The following MAPRE2 variants were observed in gnomAD, a reference collection of about 807,000 sequenced individuals.
MAPRE2 encodes the protein microtubule associated protein RP/EB family member 2.
In MAPRE2, 13 loss-of-function variants were observed where a neutral mutation model predicts 43.2. That is an observed-to-expected ratio of 0.30 (90% CI 0.20 to 0.48). MAPRE2 has a LOEUF of 0.48. Ranked by LOEUF, MAPRE2 falls within the 20% of genes least tolerant of loss-of-function variation. The pLI, the probability that MAPRE2 is intolerant of heterozygous loss-of-function variation, is 0.99. For synonymous variants in MAPRE2, 135 were observed against 148.8 expected (o/e 0.91, Z 0.68); for missense variants, 161 against 400.2 (o/e 0.40, Z 5.10).
At chr18:35,121,777 T>C (rs947158143) in intron 4 of MAPRE2, among the ~76,000 whole-genome samples, 9 of 152,304 alleles carry the variant, frequency 5.9e-5, no homozygotes, top group Non-Finnish European at 2.9e-5. Flanking sequence ...AGTGGGGCAT[T>C]CTGGGAAGCA....
intron 2 of MAPRE2, among the ~76,000 whole-genome samples, chr18:35,007,686 G>C (rs28504360): frequency 0.021 from 3,223 of 152,340 alleles, 118 homozygotes; most frequent in African/African-American, 0.072. Flanking sequence ...ACCAAAGAGA[G>C]AACCATCATT....
At chr18:35,137,722 C>T (rs796746205) in intron 6 of MAPRE2, among the ~76,000 whole-genome samples, 3 of 152,286 alleles carry the variant, frequency 2.0e-5, no homozygotes, top group African/African-American at 7.2e-5. Flanking sequence ...GCTGGAGAGA[C>T]AGATGTGTAG....
At chr18:35,126,221 T>G (rs1458095805) in intron 4 of MAPRE2, among the ~76,000 whole-genome samples, 1 of 152,238 alleles carries the variant, frequency 6.6e-6, no homozygotes, top group Non-Finnish European at 1.5e-5. Context: ...TTACAATAAA[T>G]GAAGCTATTG....
At chr18:35,108,745 T>TC (rs1323438418) in intron 4 of MAPRE2, among the ~76,000 whole-genome samples, 1 of 151,990 alleles carries the variant, frequency 6.6e-6, no homozygotes, top group Non-Finnish European at 1.5e-5. Context: ...TTTTTTTTTT[T>TC]CATATGTTTG....
chr18:35,112,872 G>A (rs796419220), intron 4 of MAPRE2, among the ~76,000 whole-genome samples: 13 of 152,292 alleles, frequency 8.5e-5, no homozygotes, highest in African/African-American at 3.1e-4. Flanking sequence ...ACAGTTCTGG[G>A]GACTGGGAAG....
In MAPRE2 at chr18:35,127,063, G is replaced by A. The variant is rs142972594; in HGVS notation, c.726G>A (p.Thr242=). The A allele has an allele frequency of 3.5e-5, 57 of 1,613,980 alleles. No homozygotes were observed. The highest frequency in any genetic ancestry group is 4.2e-5 in the Non-Finnish European group (50 of 1,180,010). The change falls in exon 5 of 7, where the codon ACG becomes ACA. Residue 242 remains threonine, a synonymous_variant. Coordinates refer to ENST00000300249, the MANE Select transcript of MAPRE2 (RefSeq NM_014268.4). ...SASKSDKDLE[T]QVIQLNEQVH... ...CCAAATCCGATAAAGATTTAGAAAC[G>A]CAGGTCATACAGCTTAATGAACAGG...
At chr18:35,097,699 A>AGCCT in intron 3 of MAPRE2, 108 bp downstream of exon 3, 3 of 947,460 alleles carry the variant, frequency 3.2e-6, no homozygotes, top group Non-Finnish European at 4.7e-6. Flanking sequence ...TTGATATCCC[A>AGCCT]ACAGTAGGCT....
At position 35,011,575 on chromosome 18, in the gene MAPRE2, A is replaced by G. The variant is rs115432025; in HGVS notation, c.-8+6022A>G. ...GCGTAGAGGTAAAACTACCTGTTTT[A>G]TATCTTAGAATGGTCACTCTGATGG... On this transcript the variant is annotated intron_variant, in intron 2 of 7. Transcript: ENST00000413393. Among the ~76,000 whole-genome samples, 258 of 152,310 alleles carry G rather than the reference A, an allele frequency of 1.7e-3. 4 individuals carry two copies. Among genetic ancestry groups the G allele is most frequent in the African/African-American group, 5.8e-3 (239 of 41,560 alleles).
At chr18:35,053,384 A>G (rs1318298905) in intron 1 of MAPRE2, among the ~76,000 whole-genome samples, 1 of 152,010 alleles carries the variant, frequency 6.6e-6, no homozygotes, top group Non-Finnish European at 1.5e-5. Flanking sequence ...ACAGAGCGAG[A>G]CTCCATCTCA....
intron 3 of MAPRE2, among the ~76,000 whole-genome samples, chr18:35,100,131 A>C (rs1168880575): frequency 1.3e-5 from 2 of 152,178 alleles, no homozygotes; most frequent in Non-Finnish European, 2.9e-5. Context: ...TCACACACAC[A>C]ATCTGACTCA....
chr18:35,025,750 G>A (rs1284870483), intron 2 of MAPRE2, among the ~76,000 whole-genome samples: 1 of 152,180 alleles, frequency 6.6e-6, no homozygotes. Context: ...TAGTCCAGTG[G>A]AATAATCAGA....
rs117937297 is a variant in MAPRE2 at position 35,024,787 on chromosome 18, T to C, written c.-8+19234T>C. Among the ~76,000 whole-genome samples the C allele has an allele frequency of 3.9e-5, 6 of 152,346 alleles. No homozygotes were observed. In the East Asian group the frequency reaches 1.2e-3, roughly 29 times the overall value. The stretch of plus-strand genomic sequence containing the variant: ...CATCTCTCATTGCTATAGGACATTC[T>C]CTTTTGTCAGATAAACTAGTGCTAA... On this transcript the variant is annotated intron_variant, in intron 2 of 7. Transcript: ENST00000413393.
intron 2 of MAPRE2, among the ~76,000 whole-genome samples, chr18:35,007,602 T>C (rs1025731038): frequency 1.3e-5 from 2 of 152,256 alleles, no homozygotes; most frequent in African/African-American, 4.8e-5. Context: ...GGACTATACT[T>C]GGCCTGCAGG....
intron 4 of MAPRE2, among the ~76,000 whole-genome samples, chr18:35,119,310 A>C (rs1469929382): frequency 6.6e-6 from 1 of 152,036 alleles, no homozygotes; most frequent in Non-Finnish European, 1.5e-5. Flanking sequence ...CCTTCCATGA[A>C]ATTCCTATTT....
intron 2 of MAPRE2, among the ~76,000 whole-genome samples, chr18:35,086,149 A>G (rs1330716792): frequency 1.3e-5 from 2 of 152,124 alleles, no homozygotes; most frequent in Non-Finnish European, 2.9e-5. Context: ...TCAGATGGGC[A>G]ATTTGAGTAG....
intron 2 of MAPRE2, among the ~76,000 whole-genome samples, chr18:35,015,034 A>G (rs2150584679): frequency 6.6e-6 from 1 of 152,302 alleles, no homozygotes; most frequent in South Asian, 2.1e-4. Flanking sequence ...TATGGAAAGA[A>G]TGCTACTGCT....
intron 3 of MAPRE2, among the ~76,000 whole-genome samples, chr18:35,101,349 T>C (rs1209712292): frequency 6.6e-6 from 1 of 152,200 alleles, no homozygotes; most frequent in Non-Finnish European, 1.5e-5. Context: ...AAGAAGCACA[T>C]CGTGGAGAAT....
chr18:35,099,062 C>A (rs1373458902), intron 3 of MAPRE2, among the ~76,000 whole-genome samples: 1 of 152,178 alleles, frequency 6.6e-6, no homozygotes, highest in African/African-American at 2.4e-5. Flanking sequence ...AACTTTTGCC[C>A]TGAAGCTTTC....
intron 1 of MAPRE2, among the ~76,000 whole-genome samples, chr18:35,065,458 G>A (rs1443393325): frequency 6.6e-6 from 1 of 152,166 alleles, no homozygotes; most frequent in African/African-American, 2.4e-5. Flanking sequence ...ATATTAAAGT[G>A]TGGTGACCCA....
Sources: gnomAD v4.1 joint callset for allele counts (sites outside exome capture counted in the v4.1 genomes callset) on GRCh38, gnomAD v4.1.1 for gene constraint, MANE v1.5 for transcripts, NCBI Gene and HGNC (gene_info 2026-07-23, HGNC 2026-07-21) for gene names.